The following VIPR2 variants were observed in gnomAD, a reference collection of about 807,000 sequenced individuals.
VIPR2 encodes the protein vasoactive intestinal polypeptide receptor 2.
In VIPR2, 48 loss-of-function variants were observed where a neutral mutation model predicts 58.0. That is an observed-to-expected ratio of 0.83 (90% CI 0.66 to 1.05). The LOEUF is 1.05. Ranked by LOEUF, VIPR2 falls within the 50% of genes least tolerant of loss-of-function variation. The pLI, the probability that VIPR2 is intolerant of heterozygous loss-of-function variation, is 0.00. For missense variants in VIPR2, 534 were observed against 558.0 expected (o/e 0.96, Z 0.43); for synonymous variants, 243 against 235.2 (o/e 1.03, Z -0.30).
intron 4 of VIPR2, chr7:159,059,370 G>A (rs2129494033): frequency 2.1e-6 from 1 of 471,202 alleles, no homozygotes; most frequent in Admixed American, 2.3e-5. Context: ...ATAAAATAAA[G>A]AGGGAAACAA....
intron 4 of VIPR2, among the ~76,000 whole-genome samples, chr7:159,079,276 G>C (rs1389392765): frequency 6.6e-6 from 1 of 152,156 alleles, no homozygotes; most frequent in Non-Finnish European, 1.5e-5. Context: ...CTGTCTCTCA[G>C]ACCACACTGC....
chr7:159,144,720 C>G lies in VIPR2; in HGVS notation c.51+1G>C. The G allele has an allele frequency of 3.8e-6, 5 of 1,325,482 alleles. No homozygotes were observed. The highest frequency in any genetic ancestry group is 4.8e-6 in the Non-Finnish European group (5 of 1,039,100). 82.1% of individuals were successfully genotyped at this position (1,325,482 alleles called of 1,614,324 possible). A position where few individuals can be genotyped will look rare whatever the true frequency, so the allele number is the denominator to read the frequency against. ...GGGGCGGGGGTCGCGGGCGCACTCA[C>G]GGGGGCGAGCAGCCAGCAGGTCAGC... On this transcript the variant is annotated splice_donor_variant, in intron 1 of 12. Transcript: ENST00000262178. LOFTEE classifies it high-confidence loss of function.
intron 5 of VIPR2, among the ~76,000 whole-genome samples, chr7:159,055,735 G>A (rs1042774223): frequency 4.6e-5 from 7 of 152,124 alleles, no homozygotes; most frequent in African/African-American, 1.4e-4. Context: ...GTGGAGTGGG[G>A]TTGGCACTTA....
intron 3 of VIPR2, 62 bp downstream of exon 3, chr7:159,109,750 A>G: frequency 6.7e-7 from 1 of 1,499,854 alleles, no homozygotes; most frequent in Non-Finnish European, 9.3e-7. Flanking sequence ...TTGGATGGAA[A>G]AAATGGACGC....
chr7:159,144,396 C>T lies in VIPR2; in HGVS notation c.51+325G>A, dbSNP rs1459439039. The stretch of plus-strand genomic sequence containing the variant: ...CCGCGCAGGCGCCCGCAGCTCCCAG[C>T]TCCCGGGACGGCCCCGAACGAGCTC... On this transcript the variant is annotated intron_variant, in intron 1 of 12. Transcript: ENST00000262178. 4 of 1,545,880 alleles carry T rather than the reference C, an allele frequency of 2.6e-6. No homozygotes were observed. The African/African-American group carries it at 5.5e-5, about 21-fold the overall frequency.
At chr7:159,139,843 C>T (rs1182141957) in intron 2 of VIPR2, among the ~76,000 whole-genome samples, 2 of 152,262 alleles carry the variant, frequency 1.3e-5, no homozygotes, top group African/African-American at 4.8e-5. Context: ...GGACAAAGCC[C>T]CCTCAGGGAC....
intron 2 of VIPR2, among the ~76,000 whole-genome samples, chr7:159,114,992 AAAG>A (rs1318886651): frequency 6.6e-6 from 1 of 152,242 alleles, no homozygotes; most frequent in Admixed American, 6.5e-5. Flanking sequence ...ACAGCAGATG[AAAG>A]AAGAACTAAG....
intron 4 of VIPR2, among the ~76,000 whole-genome samples, chr7:159,065,101 G>T (rs902330930): frequency 1.3e-5 from 2 of 152,174 alleles, no homozygotes; most frequent in African/African-American, 2.4e-5. Context: ...GATTCCTCCT[G>T]GACTAAGGCT....
In VIPR2 at chr7:159,031,674, G is replaced by A. The variant is rs1341773896; in HGVS notation, c.1143+154C>T. On this transcript the variant is annotated intron_variant, in intron 12 of 12. Coordinates refer to ENST00000262178, the MANE Select transcript of VIPR2 (RefSeq NM_003382.5). This position sits in a 1 kb window ranked among gnomAD's most constrained non-coding sequence, Gnocchi z 4.0. ...GAGTGGGTTTGCCTGTGTCGTTGTG[G>A]GTTCTCTGATGGGGACACAGAACTG... 2.0e-6 allele frequency: 2 copies of A among 985,272 alleles called. No homozygotes were observed. Among genetic ancestry groups the A allele is most frequent in the African/African-American group, 3.5e-5 (2 of 57,232 alleles). 61.0% of individuals were successfully genotyped at this position (985,272 alleles called of 1,614,324 possible).
At position 159,029,001 on chromosome 7, in the gene VIPR2, G is replaced by A. The variant is rs1329829073; in HGVS notation, c.*1615C>T. The stretch of plus-strand genomic sequence containing the variant: ...GACCTTTGGGGATTGAGGGGTCTCT[G>A]GACACTGCTGCTTTGCTGTCCTAAC... On this transcript the variant is annotated 3_prime_UTR_variant, in exon 13 of 13. Coordinates refer to ENST00000262178, the MANE Select transcript of VIPR2 (RefSeq NM_003382.5). The A allele has an allele frequency of 6.6e-6, 1 of 152,478 alleles. No individual in the cohort carries two copies. The highest frequency in any genetic ancestry group is 1.9e-4 in the East Asian group (1 of 5,186). 9.4% of individuals were successfully genotyped at this position (152,478 alleles called of 1,614,324 possible). A position where few individuals can be genotyped will look rare whatever the true frequency, so the allele number is the denominator to read the frequency against.
intron 8 of VIPR2, 148 bp from the exon 9 acceptor site, chr7:159,034,798 G>T (rs1467710836): frequency 7.4e-6 from 5 of 672,598 alleles, no homozygotes; most frequent in Non-Finnish European, 1.4e-5. Context: ...AAAGGAATCT[G>T]TCCCAGGGAG....
At chr7:159,056,644 G>A (rs962749739) in intron 5 of VIPR2, among the ~76,000 whole-genome samples, 1 of 152,306 alleles carries the variant, frequency 6.6e-6, no homozygotes, top group South Asian at 2.1e-4. Flanking sequence ...TCCATTTCCC[G>A]TGTATAAAAT....
At chr7:159,130,393 C>T (rs1213545764) in intron 2 of VIPR2, among the ~76,000 whole-genome samples, 1 of 152,140 alleles carries the variant, frequency 6.6e-6, no homozygotes, top group Admixed American at 6.5e-5. Flanking sequence ...TATGCAACTT[C>T]CCCAGTTACC....
intron 4 of VIPR2, among the ~76,000 whole-genome samples, chr7:159,092,525 T>A (rs1857559335): frequency 6.6e-6 from 1 of 152,092 alleles, no homozygotes; most frequent in African/African-American, 2.4e-5. Flanking sequence ...AACTGAAGAG[T>A]CTTGACTCAT....
chr7:159,097,233 G>A lies in VIPR2; in HGVS notation c.357+6524C>T, dbSNP rs1857915811. 1.3e-5 allele frequency: 18 copies of A among 1,408,454 alleles called. No homozygotes were observed. The South Asian group carries it at 2.9e-4, about 22-fold the overall frequency. 87.2% of individuals were successfully genotyped at this position (1,408,454 alleles called of 1,614,324 possible). On this transcript the variant is annotated intron_variant, in intron 4 of 12. Coordinates refer to ENST00000262178, the MANE Select transcript of VIPR2 (RefSeq NM_003382.5). The surrounding 1 kb of genome is among the most constrained non-coding windows in gnomAD (Gnocchi z 5.3). ...ATCAGTGGGAACGAGTCACTGCGGT[G>A]GCCTGAGTGCTGGAGGAGGGCAGAG... is the stretch of plus-strand genomic sequence containing the variant.
chr7:159,105,115 G>A (rs760289020), intron 3 of VIPR2, among the ~76,000 whole-genome samples: 6 of 152,214 alleles, frequency 3.9e-5, no homozygotes, highest in Non-Finnish European at 5.9e-5. Flanking sequence ...ATTTGTGTGT[G>A]TCCTTAGCAG....
Position 159,058,391 on chromosome 7 carries a change from G to A in VIPR2, c.455+90C>T, listed in dbSNP as rs1490002016. On this transcript the variant is annotated intron_variant, in intron 5 of 12. Coordinates refer to ENST00000262178, the MANE Select transcript of VIPR2 (RefSeq NM_003382.5). ...GAGTCTTATTGGCTTAGCACACAGA[G>A]GGCTCCAGGCTGGGTGGCGCCTAGA... 4 of 1,022,588 alleles carry A rather than the reference G, an allele frequency of 3.9e-6. No homozygotes were observed. In the African/African-American group the frequency reaches 4.7e-5, roughly 12 times the overall value. The allele number at this position is 1,022,588 out of a possible 1,614,324, so 63.3% of individuals were successfully genotyped here.
intron 6 of VIPR2, 63 bp downstream of exon 6, chr7:159,042,972 T>A (rs965098599): frequency 6.4e-6 from 10 of 1,560,154 alleles, no homozygotes; most frequent in Non-Finnish European, 7.9e-6. Context: ...GTCCTCATCG[T>A]GAGAAGAGGG....
intron 5 of VIPR2, among the ~76,000 whole-genome samples, chr7:159,052,394 T>C (rs1855063438): frequency 6.6e-6 from 1 of 152,206 alleles, no homozygotes; most frequent in African/African-American, 2.4e-5. Context: ...ATATCTGGTT[T>C]AGAAATTTTG....
Sources: gnomAD v4.1 joint callset for allele counts (sites outside exome capture counted in the v4.1 genomes callset) on GRCh38, gnomAD v4.1.1 for gene constraint, Gnocchi (gnomAD v3.1) non-coding constraint, MANE v1.5 for transcripts, NCBI Gene and HGNC (gene_info 2026-07-23, HGNC 2026-07-21) for gene names.